LRP6: variants seen among roughly 807,000 people sequenced by gnomAD.
LRP6 encodes low-density lipoprotein receptor-related protein 6.
LRP6 carries 43 observed loss-of-function variants against 184.1 expected under a neutral mutation model. That is an observed-to-expected ratio of 0.23 (90% CI 0.18 to 0.30). The LOEUF is 0.30. LRP6 is among the 10% of genes least tolerant of loss of function. The pLI is 1.00. For missense variants in LRP6, 1,571 were observed against 2,005.3 expected (o/e 0.78, Z 4.14); for synonymous variants, 719 against 684.9 (o/e 1.05, Z -0.78).
In LRP6 at chr12:12,150,849, T is replaced by A; in HGVS notation, c.2981A>T (p.Glu994Val). Residue 994 changes from glutamate to valine, a missense_variant, in exon 13 of 23, where the codon GAA (glutamate) becomes GTA (valine). By Grantham distance (121) the Glu-to-Val change is moderately radical (BLOSUM62 -2). Around this residue, in one of 4 missense-constraint regions of LRP6, gnomAD observed 763 missense variants for 859.5 expected, o/e 0.89. Coordinates refer to ENST00000261349, the MANE Select transcript of LRP6 (RefSeq NM_002336.3). ...GCTCTCAATTACCTGGCTGCCATCT[T>A]CTTGTGCCTTTCGGATCATGTTTTG... ...SRQNMIRKAQ[E>V]DGSQGFTVVV... 1 of 1,613,806 alleles carries A rather than the reference T, an allele frequency of 6.2e-7. No individual in the cohort carries two copies. Among genetic ancestry groups the A allele is most frequent in the Non-Finnish European group, 8.5e-7 (1 of 1,179,994 alleles).
intron 7 of LRP6, among the ~76,000 whole-genome samples, chr12:12,178,529 T>A (rs138327989): frequency 2.0e-5 from 3 of 152,338 alleles, no homozygotes; most frequent in African/African-American, 7.2e-5. Context: ...CACTCATGTA[T>A]AGTTCATAAT....
chr12:12,237,517 G>GA (rs1864956004), intron 2 of LRP6, among the ~76,000 whole-genome samples: 1 of 151,884 alleles, frequency 6.6e-6, no homozygotes, highest in Admixed American at 6.6e-5. Context: ...TATTGCAAGG[G>GA]AAAAAACAGT....
At chr12:12,146,612 A>G (rs1273773165) in intron 15 of LRP6, among the ~76,000 whole-genome samples, 1 of 152,244 alleles carries the variant, frequency 6.6e-6, no homozygotes, top group Non-Finnish European at 1.5e-5. Flanking sequence ...TGAGGTTGTG[A>G]AAGGTGAATA....
intron 7 of LRP6, among the ~76,000 whole-genome samples, chr12:12,175,149 C>T (rs374194806): frequency 3.3e-5 from 5 of 152,242 alleles, no homozygotes; most frequent in East Asian, 3.9e-4. Context: ...AACACTTTGG[C>T]AGGCCGAGGT....
In LRP6 at chr12:12,215,037, T is replaced by C. The variant is rs116677740; in HGVS notation, c.450-11637A>G. ...CGTTTTAGTCACTCAGGGAGATGGT[T>C]TGAGACTGAGTTCTCATCTTCCTGG... On this transcript the variant is annotated intron_variant, in intron 2 of 22. Coordinates refer to ENST00000261349, the MANE Select transcript of LRP6 (RefSeq NM_002336.3). Among the ~76,000 whole-genome samples, 863 of 152,332 alleles carry C rather than the reference T, an allele frequency of 5.7e-3. 11 individuals carry two copies. The highest frequency in any genetic ancestry group is 0.019 in the African/African-American group (803 of 41,560).
chr12:12,123,512 T>C (rs538159569), intron 22 of LRP6, among the ~76,000 whole-genome samples: 6 of 152,308 alleles, frequency 3.9e-5, no homozygotes, highest in Middle Eastern at 6.8e-3. Flanking sequence ...CTAGGAAAGA[T>C]AATAGAAGAT....
Position 12,187,113 on chromosome 12 carries a change from T to G in LRP6, c.654A>C (p.Ala218=). The stretch of plus-strand genomic sequence containing the variant: ...GATGTGGAAGGGAACCTTTAACCAC[T>G]GCCTGCCTATTAACATAAAGAGAAA... ...KSNLDGTNRQ[A]VVKGSLPHPF... Residue 218 remains alanine, a synonymous_variant, in exon 4 of 23, where the codon GCA becomes GCC. Coordinates refer to ENST00000261349, the MANE Select transcript of LRP6 (RefSeq NM_002336.3). 6.2e-7 allele frequency: 1 copy of G among 1,614,100 alleles called. No homozygotes were observed. Among genetic ancestry groups the G allele is most frequent in the East Asian group, 2.2e-5 (1 of 44,874 alleles).
chr12:12,164,901 T>C (rs1463231935), intron 8 of LRP6, among the ~76,000 whole-genome samples, 178 bp downstream of exon 8: 1 of 98,854 alleles, frequency 1.0e-5, no homozygotes, highest in Non-Finnish European at 2.0e-5. Context: ...AGTCAACGTT[T>C]AAAAGGTCCC....
Position 12,121,014 on chromosome 12 carries a change from G to C in LRP6, c.*112C>G. ...CCTACCCCATTTTATAATTTTAACT[G>C]TACATGGTCTGCCTCATCCTTCTCT... On this transcript the variant is annotated 3_prime_UTR_variant, in exon 23 of 23. Coordinates refer to ENST00000261349, the MANE Select transcript of LRP6 (RefSeq NM_002336.3). 1.2e-6 allele frequency: 1 copy of C among 865,182 alleles called. No homozygotes were observed. Among genetic ancestry groups the C allele is most frequent in the South Asian group, 2.0e-5 (1 of 51,066 alleles). The allele number at this position is 865,182 out of a possible 1,614,324, so 53.6% of individuals were successfully genotyped here.
Position 12,132,028 on chromosome 12 carries a change from T to G in LRP6, c.3763A>C (p.Thr1255Pro). Residue 1255 changes from threonine (T) to proline (P), a missense_variant, in exon 18 of 23, where the codon ACT becomes CCT. Physicochemically the swap from Thr to Pro is conservative, Grantham distance 38. This residue lies in a region of LRP6 where 763 missense variants were observed against 859.5 expected (regional missense o/e 0.89). Transcript: ENST00000261349. ...CAGTCAATTTCCCCCGTGAAACAAG[T>G]AAACTGCTGAGGAGAACATGTTGGA... Reference protein sequence around the residue: ...EPPTCSPQQFTCFTGEIDCIP... With the variant: ...EPPTCSPQQFPCFTGEIDCIP... 1 of 1,614,000 alleles carries G rather than the reference T, an allele frequency of 6.2e-7. No homozygotes were observed.
chr12:12,233,518 T>C (rs916575771), intron 2 of LRP6, among the ~76,000 whole-genome samples: 1 of 152,088 alleles, frequency 6.6e-6, no homozygotes, highest in Non-Finnish European at 1.5e-5. Context: ...GGATATTCTA[T>C]AGGACAGCTG....
At chr12:12,251,204 T>G (rs1048399410) in intron 1 of LRP6, among the ~76,000 whole-genome samples, 1 of 152,156 alleles carries the variant, frequency 6.6e-6, no homozygotes, top group Non-Finnish European at 1.5e-5. Flanking sequence ...AGTGCTGGGA[T>G]TACAGGCGTG....
chr12:12,182,046 G>A (rs1413925768), intron 5 of LRP6, among the ~76,000 whole-genome samples: 2 of 152,142 alleles, frequency 1.3e-5, no homozygotes, highest in Admixed American at 1.3e-4. Flanking sequence ...AAGCTATGGA[G>A]AAACAAACAG....
At chr12:12,218,679 G>C (rs190696158) in intron 2 of LRP6, among the ~76,000 whole-genome samples, 1 of 151,656 alleles carries the variant, frequency 6.6e-6, no homozygotes, top group East Asian at 1.9e-4. Flanking sequence ...AAAAAGGAGA[G>C]AGGGCCAGGC....
chr12:12,163,570 T>C (rs189648109), intron 9 of LRP6, among the ~76,000 whole-genome samples: 2 of 152,224 alleles, frequency 1.3e-5, no homozygotes, highest in African/African-American at 4.8e-5. Context: ...AAATAAAGAA[T>C]AACTCATTGT....
intron 1 of LRP6, among the ~76,000 whole-genome samples, chr12:12,251,454 C>T (rs559259261): frequency 1.3e-5 from 2 of 152,194 alleles, no homozygotes; most frequent in South Asian, 4.2e-4. Flanking sequence ...AGCACCACCT[C>T]CCGGGTTCAT....
At chr12:12,219,341 G>T (rs1176521849) in intron 2 of LRP6, among the ~76,000 whole-genome samples, 1 of 152,112 alleles carries the variant, frequency 6.6e-6, no homozygotes, top group East Asian at 1.9e-4. Context: ...AAGTAGCTGG[G>T]ACTATAGGTG....
Position 12,165,210 on chromosome 12 carries a change from T to C in LRP6, c.1631A>G (p.Tyr544Cys), listed in dbSNP as rs781332733. The change falls in exon 8 of 23, where the codon TAT becomes TGT. Residue 544 changes from tyrosine (Y) to cysteine (C), a missense_variant. Around this residue, in one of 4 missense-constraint regions of LRP6, gnomAD observed 640 missense variants for 851.9 expected, o/e 0.75. Transcript: ENST00000261349. ...HIFGFTLLGD[Y>C]VYWTDWQRRS... ...CCTCTGCCAGTCAGTCCAGTAAACA[T>C]AGTCACCCAACAAAGTAAATCCAAA... 2.4e-5 allele frequency: 38 copies of C among 1,613,954 alleles called. No individual in the cohort carries two copies. Among genetic ancestry groups the C allele is most frequent in the Admixed American group, 8.3e-5 (5 of 59,990 alleles).
chr12:12,263,357 C>T (rs1224951205), intron 1 of LRP6, among the ~76,000 whole-genome samples: 23 of 151,104 alleles, frequency 1.5e-4, no homozygotes, highest in Non-Finnish European at 1.8e-4. Flanking sequence ...GGGCGGATCA[C>T]GAGGTCAGGA....
Sources: gnomAD v4.1 joint callset for allele counts (sites outside exome capture counted in the v4.1 genomes callset) on GRCh38, gnomAD v4.1.1 for gene constraint, gnomAD v4.1.1 regional missense constraint, MANE v1.5 for transcripts, NCBI Gene and HGNC (gene_info 2026-07-23, HGNC 2026-07-21) for gene names.